Variants in PRKCH observed in about 807,000 individuals in gnomAD.
PRKCH encodes the protein protein kinase C eta type.
PRKCH carries 28 observed loss-of-function variants against 82.5 expected under a neutral mutation model. The observed-to-expected ratio is 0.34, with a 90% CI of 0.25 to 0.47. The LOEUF (loss-of-function observed/expected upper bound fraction) is 0.47, where lower values mean the gene tolerates loss of function less well. PRKCH is among the 20% of genes least tolerant of loss of function. The pLI is 1.00. For missense variants in PRKCH, 705 were observed against 881.8 expected, an observed-to-expected ratio of 0.80 and a Z score of 2.54; for synonymous variants, 322 against 327.4, an observed-to-expected ratio of 0.98 and a Z score of 0.18.
At chr14:61,526,208 C>G (rs2042964435) in intron 10 of PRKCH, among the ~76,000 whole-genome samples, 1 of 152,176 alleles carries the variant, frequency 6.6e-6, no homozygotes, top group African/African-American at 2.4e-5. Flanking sequence ...CAAATCAGCC[C>G]ACTGAAAACA....
At chr14:61,479,972 C>G (rs758029412) in intron 9 of PRKCH, among the ~76,000 whole-genome samples, 2 of 152,158 alleles carry the variant, frequency 1.3e-5, no homozygotes, top group Non-Finnish European at 2.9e-5. Context: ...GAATCAGGGA[C>G]AAAAGAGAGG....
chr14:61,482,657 G>C (rs1173577638), intron 9 of PRKCH, among the ~76,000 whole-genome samples: 2 of 152,156 alleles, frequency 1.3e-5, no homozygotes, highest in Admixed American at 6.5e-5. Context: ...TGCCAGACAG[G>C]AGGTTAGAAA....
chr14:61,244,767 A>C (rs2044866449), intron 1 of PRKCH, among the ~76,000 whole-genome samples: 1 of 152,202 alleles, frequency 6.6e-6, no homozygotes, highest in Non-Finnish European at 1.5e-5. Context: ...GTCCGCCCTC[A>C]ACTGGTCTTC....
chr14:61,374,460 T>A (rs7148839), intron 1 of PRKCH, among the ~76,000 whole-genome samples: 1 of 151,876 alleles, frequency 6.6e-6, no homozygotes, highest in Non-Finnish European at 1.5e-5. Flanking sequence ...CTCATAGAGG[T>A]TCACCATGAG....
intron 1 of PRKCH, among the ~76,000 whole-genome samples, chr14:61,221,988 T>C (rs943617710): frequency 5.3e-5 from 8 of 152,118 alleles, no homozygotes; most frequent in African/African-American, 1.9e-4. Flanking sequence ...CTAAGGGTTC[T>C]CTCGGGTCTG....
chr14:61,218,756 C>A (rs981144164), intron 1 of PRKCH, among the ~76,000 whole-genome samples: 1 of 152,146 alleles, frequency 6.6e-6, no homozygotes, highest in African/African-American at 2.4e-5. Context: ...AGGCTGAATT[C>A]TTTGATCGTC....
In PRKCH at chr14:61,242,570, G is replaced by A. The variant is rs547534587; in HGVS notation, c.-19+54902G>A. Among the ~76,000 whole-genome samples the A allele has an allele frequency of 2.6e-5, 4 of 152,062 alleles. No homozygotes were observed. In the South Asian group the frequency reaches 8.3e-4, roughly 32 times the overall value. On this transcript the variant is annotated intron_variant, in intron 1 of 3. Transcript: ENST00000555185. ...CTGCCACCAGCCCAGCTAAGTTTTT[G>A]TATTTTTTGGAGAGACAAGATTTCC...
chr14:61,399,790 A>T (rs934461243), intron 2 of PRKCH, among the ~76,000 whole-genome samples: 3 of 152,180 alleles, frequency 2.0e-5, no homozygotes, highest in African/African-American at 7.2e-5. Flanking sequence ...TCCCAAGGCA[A>T]ACATAAAGGT....
intron 10 of PRKCH, among the ~76,000 whole-genome samples, chr14:61,488,582 T>G (rs192335833): frequency 1.1e-4 from 16 of 152,302 alleles, no homozygotes; most frequent in African/African-American, 3.6e-4. Flanking sequence ...ACCATTACAG[T>G]GTCAGCTTCT....
intron 1 of PRKCH, among the ~76,000 whole-genome samples, chr14:61,224,310 A>G (rs569265570): frequency 6.6e-6 from 1 of 152,274 alleles, no homozygotes; most frequent in South Asian, 2.1e-4. Flanking sequence ...TATTGTTATT[A>G]TCTTATATGG....
chr14:61,345,402 A>G (rs1264844610), intron 1 of PRKCH, among the ~76,000 whole-genome samples: 1 of 152,234 alleles, frequency 6.6e-6, no homozygotes, highest in Non-Finnish European at 1.5e-5. Context: ...TTTTTTCTCC[A>G]TCCAGAGGCT....
At chr14:61,454,399 A>G (rs1218358612) in intron 7 of PRKCH, among the ~76,000 whole-genome samples, 1 of 152,146 alleles carries the variant, frequency 6.6e-6, no homozygotes, top group African/African-American at 2.4e-5. Flanking sequence ...TGCCACGCCC[A>G]GCCTTTCTTT....
chr14:61,421,660 T>C (rs1055409374), intron 2 of PRKCH, among the ~76,000 whole-genome samples: 2 of 152,182 alleles, frequency 1.3e-5, no homozygotes, highest in East Asian at 1.9e-4. Context: ...TGTGGCAAGC[T>C]CTTTTCTACT....
chr14:61,288,123 T>G (rs1406768546), intron 1 of PRKCH, among the ~76,000 whole-genome samples: 1 of 152,114 alleles, frequency 6.6e-6, no homozygotes, highest in Non-Finnish European at 1.5e-5. Flanking sequence ...GTGACATCCT[T>G]TAGGAAAACT....
At chr14:61,226,526 G>A (rs988404698) in intron 1 of PRKCH, among the ~76,000 whole-genome samples, 2 of 152,164 alleles carry the variant, frequency 1.3e-5, no homozygotes, top group Admixed American at 6.5e-5. Flanking sequence ...TACCAGGCGA[G>A]GGTGACAGAT....
At chr14:61,372,598 T>G (rs1308288261) in intron 1 of PRKCH, among the ~76,000 whole-genome samples, 3 of 152,188 alleles carry the variant, frequency 2.0e-5, no homozygotes, top group African/African-American at 7.2e-5. Context: ...GTTCAGTGGT[T>G]ATGTGAAATT....
At chr14:61,314,696 G>T (rs995028681) in intron 1 of PRKCH, among the ~76,000 whole-genome samples, 1 of 152,188 alleles carries the variant, frequency 6.6e-6, no homozygotes, top group East Asian at 1.9e-4. Flanking sequence ...CCTGAGGAAG[G>T]GCGAGAAGCT....
At chr14:61,249,225 TA>T (rs1214978320) in intron 1 of PRKCH, among the ~76,000 whole-genome samples, 3 of 152,188 alleles carry the variant, frequency 2.0e-5, no homozygotes, top group East Asian at 3.8e-4. Flanking sequence ...TATCCCCACT[TA>T]GGTCTCCAGT....
intron 1 of PRKCH, among the ~76,000 whole-genome samples, chr14:61,191,215 A>C (rs2044404879): frequency 6.6e-6 from 1 of 152,214 alleles, no homozygotes; most frequent in African/African-American, 2.4e-5. Context: ...TGAAAGTGAG[A>C]GGAGGGAATG....
Sources: gnomAD v4.1 joint callset for allele counts (sites outside exome capture counted in the v4.1 genomes callset) on GRCh38, gnomAD v4.1.1 for gene constraint, MANE v1.5 for transcripts, NCBI Gene and HGNC (gene_info 2026-07-23, HGNC 2026-07-21) for gene names.